The following CYB5R4 variants were observed in gnomAD, a reference collection of about 807,000 sequenced individuals.
The protein encoded by CYB5R4 is cytochrome b5 reductase 4, also known as N-terminal cytochrome b5 and cytochrome b5 oxidoreductase domain-containing protein.
Under a neutral mutation model 70.2 loss-of-function variants are expected in CYB5R4, and 55 were observed. The ratio of observed to expected loss-of-function variants is 0.78; its 90% CI spans 0.63 to 0.98. CYB5R4 has a LOEUF of 0.98. Ranked by LOEUF, CYB5R4 falls within the 50% of genes least tolerant of loss-of-function variation. CYB5R4 has a pLI of 0.00. For missense variants in CYB5R4, 562 were observed against 612.6 expected (o/e 0.92, Z 0.87); for synonymous variants, 197 against 199.5 (o/e 0.99, Z 0.11).
intron 2 of CYB5R4, among the ~76,000 whole-genome samples, chr6:83,884,487 T>C (rs2129132257): frequency 6.6e-6 from 1 of 152,266 alleles, no homozygotes; most frequent in East Asian, 1.9e-4. Flanking sequence ...AAACTGTTTA[T>C]GCCTGTGATA....
intron 10 of CYB5R4, chr6:83,929,394 A>G (rs911470511): frequency 1.3e-5 from 2 of 152,196 alleles, no homozygotes; most frequent in African/African-American, 4.8e-5. Context: ...AACTTTTAAT[A>G]TAATGTTTTC....
At chr6:83,860,080 A>T (rs1024034493) in intron 1 of CYB5R4, among the ~76,000 whole-genome samples, 2 of 151,288 alleles carry the variant, frequency 1.3e-5, no homozygotes, top group Non-Finnish European at 2.9e-5. Context: ...CTGGTCCTTT[A>T]TCCCGCTCTA....
intron 2 of CYB5R4, among the ~76,000 whole-genome samples, chr6:83,880,404 C>T (rs1043056426): frequency 2.7e-5 from 4 of 147,788 alleles, no homozygotes; most frequent in Non-Finnish European, 5.9e-5. Flanking sequence ...GTGCTGCTAA[C>T]TGTCACTGTT....
At chr6:83,949,131 T>A (rs970887159) in intron 14 of CYB5R4, among the ~76,000 whole-genome samples, 3 of 150,844 alleles carry the variant, frequency 2.0e-5, no homozygotes, top group Non-Finnish European at 4.4e-5. Flanking sequence ...TTTTTTTTTT[T>A]AGTGAGGTCA....
intron 3 of CYB5R4, among the ~76,000 whole-genome samples, chr6:83,907,958 T>C (rs2099464080): frequency 6.6e-6 from 1 of 152,204 alleles, no homozygotes; most frequent in Non-Finnish European, 1.5e-5. Context: ...TGAGTCTTTA[T>C]GGTAGAATGA....
intron 1 of CYB5R4, among the ~76,000 whole-genome samples, chr6:83,863,602 C>T (rs1309587818): frequency 6.6e-6 from 1 of 152,154 alleles, no homozygotes; most frequent in Non-Finnish European, 1.5e-5. Context: ...ACCAGAACCT[C>T]TTTTCTAGTT....
intron 2 of CYB5R4, among the ~76,000 whole-genome samples, chr6:83,873,388 G>T (rs577114013): frequency 6.6e-6 from 1 of 151,054 alleles, no homozygotes; most frequent in African/African-American, 2.4e-5. Context: ...TACAGGCACC[G>T]ATCACCACAC....
chr6:83,927,725 C>T lies in CYB5R4; in HGVS notation c.814+3133C>T, dbSNP rs572828064. ...TTTCCACAAGCTCTTCAAACCATGT[C>T]GTTTTGGGTTTTTATGGGGGCTTTA... is the stretch of plus-strand genomic sequence containing the variant. On this transcript the variant is annotated intron_variant, in intron 10 of 15. Coordinates refer to ENST00000369681, the MANE Select transcript of CYB5R4 (RefSeq NM_016230.4). 5.3e-5 allele frequency among the ~76,000 whole-genome samples: 8 copies of T among 152,262 alleles called. No individual in the cohort carries two copies. In the East Asian group the frequency reaches 1.2e-3, roughly 22 times the overall value.
intron 2 of CYB5R4, among the ~76,000 whole-genome samples, chr6:83,865,658 T>C (rs556529860): frequency 1.3e-5 from 2 of 152,316 alleles, no homozygotes; most frequent in Non-Finnish European, 2.9e-5. Context: ...CATTTAATTT[T>C]GCATCTGTAA....
At chr6:83,921,582 G>T (rs1484036315) in intron 8 of CYB5R4, among the ~76,000 whole-genome samples, 2 of 152,196 alleles carry the variant, frequency 1.3e-5, no homozygotes, top group African/African-American at 4.8e-5. Context: ...CAGCAAAGCA[G>T]CCTGGACTAC....
rs1018899995 is a variant in CYB5R4 at position 83,905,211 on chromosome 6, C to T, written c.331-3798C>T. On this transcript the variant is annotated intron_variant, in intron 3 of 15. Coordinates refer to ENST00000369681, the MANE Select transcript of CYB5R4 (RefSeq NM_016230.4). ...CTGGGACTACAGGCACGCGCCTCCACACCTGGCTAATTTTTTTGTATTTTT... is the reference window on the plus strand; with the variant it reads ...CTGGGACTACAGGCACGCGCCTCCATACCTGGCTAATTTTTTTGTATTTTT... Among the ~76,000 whole-genome samples the T allele has an allele frequency of 2.6e-5, 4 of 152,242 alleles. No individual in the cohort carries two copies. In the South Asian group the frequency reaches 8.3e-4, roughly 32 times the overall value.
intron 9 of CYB5R4, among the ~76,000 whole-genome samples, chr6:83,922,934 C>T (rs1044860373): frequency 2.6e-5 from 4 of 151,936 alleles, no homozygotes; most frequent in Admixed American, 2.0e-4. Context: ...GATCACAGTA[C>T]ACACACCACC....
In CYB5R4 at chr6:83,910,297, G is replaced by T. The variant is rs1245840074; in HGVS notation, c.412+1207G>T. ...CATTGGTAAAATGGAGACAATTTAG[G>T]TAGACAAAGCACAAGCTCAGAGACT... On this transcript the variant is annotated intron_variant, in intron 4 of 15. Coordinates refer to ENST00000369681, the MANE Select transcript of CYB5R4 (RefSeq NM_016230.4). 7.8e-6 allele frequency: 5 copies of T among 643,130 alleles called. No individual in the cohort carries two copies. In the Admixed American group the frequency reaches 1.4e-4, roughly 18 times the overall value. 39.8% of individuals were successfully genotyped at this position (643,130 alleles called of 1,614,324 possible). A position where few individuals can be genotyped will look rare whatever the true frequency, so the allele number is the denominator to read the frequency against.
At chr6:83,924,635 A>T in intron 10 of CYB5R4, 43 bp downstream of exon 10, 1 of 1,598,786 alleles carries the variant, frequency 6.3e-7, no homozygotes, top group Non-Finnish European at 8.5e-7. Flanking sequence ...CATTCATGAA[A>T]TTGTTGTTAG....
chr6:83,948,418 A>G (rs1455069539), intron 14 of CYB5R4, among the ~76,000 whole-genome samples: 1 of 152,202 alleles, frequency 6.6e-6, no homozygotes, highest in Non-Finnish European at 1.5e-5. Context: ...CCTAATGTAG[A>G]TGACAGGTTG....
intron 1 of CYB5R4, among the ~76,000 whole-genome samples, chr6:83,862,658 C>T (rs1239193219): frequency 2.0e-5 from 3 of 152,156 alleles, no homozygotes; most frequent in Non-Finnish European, 4.4e-5. Context: ...TGGTAAATCC[C>T]TAGGGAATTT....
intron 3 of CYB5R4, among the ~76,000 whole-genome samples, chr6:83,901,162 G>T (rs892072463): frequency 2.0e-5 from 3 of 152,092 alleles, no homozygotes; most frequent in African/African-American, 4.8e-5. Flanking sequence ...AGGCCTGGTG[G>T]TGACAAAATC....
chr6:83,879,757 A>T (rs1010583619), intron 2 of CYB5R4, among the ~76,000 whole-genome samples: 41 of 152,326 alleles, frequency 2.7e-4, no homozygotes, highest in African/African-American at 9.6e-4. Flanking sequence ...GTGAAAGATT[A>T]TGAAAAAAGA....
chr6:83,950,759 A>C (rs1021908664), intron 14 of CYB5R4, among the ~76,000 whole-genome samples: 1 of 152,146 alleles, frequency 6.6e-6, no homozygotes, highest in Admixed American at 6.5e-5. Flanking sequence ...AAAATCACCC[A>C]TAATCCTACC....
Sources: gnomAD v4.1 joint callset for allele counts (sites outside exome capture counted in the v4.1 genomes callset) on GRCh38, gnomAD v4.1.1 for gene constraint, MANE v1.5 for transcripts, NCBI Gene and HGNC (gene_info 2026-07-23, HGNC 2026-07-21) for gene names.